FXN: variants seen among roughly 807,000 people sequenced by gnomAD.
FXN encodes the protein frataxin, also known as frataxin, mitochondrial.
In FXN, 14 loss-of-function variants were observed where a neutral mutation model predicts 22.4. The ratio of observed to expected loss-of-function variants is 0.62; its 90% CI spans 0.41 to 0.98. The LOEUF (loss-of-function observed/expected upper bound fraction) is 0.98, where lower values mean the gene tolerates loss of function less well. Ranked by LOEUF, FXN falls within the 50% of genes least tolerant of loss-of-function variation. FXN has a pLI of 0.00. For missense variants in FXN, 267 were observed against 268.4 expected, an observed-to-expected ratio of 0.99 and a Z score of 0.04; for synonymous variants, 120 against 114.1, an observed-to-expected ratio of 1.05 and a Z score of -0.33.
In FXN at chr9:69,074,045, C is replaced by T; in HGVS notation, c.*1283C>T. The T allele has an allele frequency of 3.1e-6, 1 of 320,034 alleles. No homozygotes were observed. The highest frequency in any genetic ancestry group is 4.5e-6 in the Non-Finnish European group (1 of 221,866). 19.8% of individuals were successfully genotyped at this position (320,034 alleles called of 1,614,324 possible). ...CTAAAAATACAAAAAATTAGCCGGG[C>T]ATGATGGCAGGTGCCTGTAATCCCA... On this transcript the variant is annotated 3_prime_UTR_variant, in exon 5 of 5. Transcript: ENST00000484259.
At chr9:69,051,040 G>A (rs12343153) in intron 2 of FXN, among the ~76,000 whole-genome samples, 26,798 of 152,108 alleles carry the variant, frequency 0.18, 2,433 homozygotes, top group East Asian at 0.29. Context: ...TCGGCCTCCC[G>A]AAGTGCTGGG....
chr9:69,056,416 C>T (rs980450904), intron 3 of FXN, among the ~76,000 whole-genome samples: 3 of 152,194 alleles, frequency 2.0e-5, no homozygotes, highest in South Asian at 2.1e-4. Context: ...AGTAAGCTAA[C>T]GTGTGCAGCA....
At chr9:69,044,371 G>A (rs1831709936) in intron 1 of FXN, among the ~76,000 whole-genome samples, 1 of 152,182 alleles carries the variant, frequency 6.6e-6, no homozygotes, top group South Asian at 2.1e-4. Context: ...CTTCTTCAGA[G>A]ACATGTGTTT....
At chr9:69,048,738 A>G (rs1831802333) in intron 2 of FXN, among the ~76,000 whole-genome samples, 1 of 152,168 alleles carries the variant, frequency 6.6e-6, no homozygotes, top group Non-Finnish European at 1.5e-5. Context: ...AAAAGCAACA[A>G]GAAGCCACCG....
chr9:69,035,794 C>T lies in FXN; in HGVS notation c.12C>T (p.Leu4=). Residue 4 remains leucine, a synonymous_variant, in exon 1 of 5, where the codon CTC becomes CTT. Coordinates refer to ENST00000484259, the MANE Select transcript of FXN (RefSeq NM_000144.5). The stretch of plus-strand genomic sequence containing the variant: ...AGACCCGGAGCAGCATGTGGACTCT[C>T]GGGCGCCGCGCAGTAGCCGGCCTCC... The part of the protein sequence containing the change: MWT[L]GRRAVAGLLA... 2.6e-6 allele frequency: 4 copies of T among 1,510,736 alleles called. No homozygotes were observed. Among genetic ancestry groups the T allele is most frequent in the Non-Finnish European group, 3.5e-6 (4 of 1,136,298 alleles). The allele number at this position is 1,510,736 out of a possible 1,614,324, so 93.6% of individuals were successfully genotyped here.
chr9:69,045,169 T>A lies in FXN; in HGVS notation c.166-1216T>A, dbSNP rs115362625. Among the ~76,000 whole-genome samples the A allele has an allele frequency of 3.4e-3, 523 of 152,208 alleles. 6 individuals are homozygous for A. The highest frequency in any genetic ancestry group is 0.012 in the African/African-American group (512 of 41,528). ...GGAGCTGACTTTATATTTTATCTCA[T>A]TAAATTTAAATGTAAATAGCTACGT... On this transcript the variant is annotated intron_variant, in intron 1 of 4. Transcript: ENST00000484259.
intron 1 of FXN, among the ~76,000 whole-genome samples, chr9:69,039,444 G>C (rs1427623248): frequency 6.6e-6 from 1 of 152,138 alleles, no homozygotes; most frequent in Non-Finnish European, 1.5e-5. Flanking sequence ...TCTCAGATCT[G>C]GCTACTCAGC....
At chr9:69,071,263 G>A (rs1468885001) in intron 4 of FXN, 1 of 518,958 alleles carries the variant, frequency 1.9e-6, no homozygotes, top group Admixed American at 1.9e-5. Context: ...CTGATGGTTT[G>A]GTTCACTCAT....
chr9:69,078,411 AT>A lies in FXN; in HGVS notation c.*5654del. The A allele has an allele frequency of 1.0e-6, 1 of 985,284 alleles. No homozygotes were observed. The highest frequency in any genetic ancestry group is 1.2e-6 in the Non-Finnish European group (1 of 829,910). The allele number at this position is 985,284 out of a possible 1,614,324, so 61.0% of individuals were successfully genotyped here. On this transcript the variant is annotated 3_prime_UTR_variant, in exon 5 of 5. Transcript: ENST00000484259. ...GAGGTCCTCATCATTTTTCACCTGC[AT>A]TTTTGCAGGAGCTTTCTTATATCCA...
intron 1 of FXN, among the ~76,000 whole-genome samples, chr9:69,039,249 C>T (rs1417328544): frequency 6.6e-6 from 1 of 151,116 alleles, no homozygotes; most frequent in Admixed American, 6.6e-5. Context: ...GAGCGAGACT[C>T]CGTCTCAAAA....
At position 69,076,774 on chromosome 9, in the gene FXN, C is replaced by T. The variant is rs1316495893; in HGVS notation, c.*4012C>T. The stretch of plus-strand genomic sequence containing the variant: ...TCCGTGTCCAGTTGGATTCTTGGCA[C>T]ATAGTTATCTTCTGCTAGAACAAAC... On this transcript the variant is annotated 3_prime_UTR_variant, in exon 5 of 5. Transcript: ENST00000484259. 4.1e-6 allele frequency: 4 copies of T among 985,298 alleles called. No homozygotes were observed. Among genetic ancestry groups the T allele is most frequent in the African/African-American group, 1.7e-5 (1 of 57,214 alleles). 61.0% of individuals were successfully genotyped at this position (985,298 alleles called of 1,614,324 possible).
In FXN at chr9:69,046,403, C is replaced by T; in HGVS notation, c.184C>T (p.Leu62Phe). 2 of 1,614,018 alleles carry T rather than the reference C, an allele frequency of 1.2e-6. No individual in the cohort carries two copies. The highest frequency in any genetic ancestry group is 1.7e-6 in the Non-Finnish European group (2 of 1,179,996). ...CTTTCAGAGTTCGAACCAACGTGGCCTCAACCAGATTTGGAATGTCAAAAA... is the reference window on the plus strand; with the variant it reads ...CTTTCAGAGTTCGAACCAACGTGGCTTCAACCAGATTTGGAATGTCAAAAA... ...PRRASSNQRG[L>F]NQIWNVKKQS... The change falls in exon 2 of 5, where the codon CTC becomes TTC. Residue 62 changes from leucine (L) to phenylalanine (F), a missense_variant. By Grantham distance (22) the Leu-to-Phe change is conservative. Transcript: ENST00000484259.
At position 69,074,771 on chromosome 9, in the gene FXN, G is replaced by C. The variant is rs1351820230; in HGVS notation, c.*2009G>C. ...AAAAAAACCTATTAATAATAAAACA[G>C]TATAAACAAAAGCTAAATAGGTAAA... On this transcript the variant is annotated 3_prime_UTR_variant, in exon 5 of 5. Coordinates refer to ENST00000484259, the MANE Select transcript of FXN (RefSeq NM_000144.5). 12 of 900,162 alleles carry C rather than the reference G, an allele frequency of 1.3e-5. No homozygotes were observed. Among genetic ancestry groups the C allele is most frequent in the Non-Finnish European group, 1.6e-5 (12 of 752,614 alleles). 55.8% of individuals were successfully genotyped at this position (900,162 alleles called of 1,614,324 possible).
At chr9:69,057,534 A>AGT (rs1386214291) in intron 3 of FXN, among the ~76,000 whole-genome samples, 1 of 152,178 alleles carries the variant, frequency 6.6e-6, no homozygotes, top group Admixed American at 6.5e-5. Flanking sequence ...CAAATGCTTA[A>AGT]GTGTAGATTT....
At chr9:69,064,432 C>T (rs541370565) in intron 3 of FXN, among the ~76,000 whole-genome samples, 1 of 152,216 alleles carries the variant, frequency 6.6e-6, no homozygotes, top group African/African-American at 2.4e-5. Context: ...GAAGCTAATG[C>T]TCTCCTAAGA....
Position 69,066,858 on chromosome 9 carries a change from C to CAAA in FXN, c.482+1833_482+1835dup, listed in dbSNP as rs71500343. 2.0e-3 allele frequency among the ~76,000 whole-genome samples: 286 copies of CAAA among 144,876 alleles called. 4 individuals are homozygous for CAAA. The highest frequency in any genetic ancestry group is 6.4e-3 in the East Asian group (32 of 5,018). On this transcript the variant is annotated intron_variant, in intron 4 of 4. Transcript: ENST00000484259. Reference sequence around the variant, plus strand: ...TTACTGTCACAGATACTATCTTCCTCAAAAAAAAAAAATATATATATATAT... The same window carrying CAAA: ...TTACTGTCACAGATACTATCTTCCTCAAAAAAAAAAAAAAATATATATATATAT...
Position 69,074,501 on chromosome 9 carries a change from C to G in FXN, c.*1739C>G. 2.1e-6 allele frequency: 2 copies of G among 974,630 alleles called. No individual in the cohort carries two copies. The highest frequency in any genetic ancestry group is 3.7e-5 in the African/African-American group (2 of 54,046). The allele number at this position is 974,630 out of a possible 1,614,324, so 60.4% of individuals were successfully genotyped here. A position where few individuals can be genotyped will look rare whatever the true frequency, so the allele number is the denominator to read the frequency against. ...GTGAGTCGAGATCGTACCTGAGCGACAGAGCGAGACTCCGTCTCAAAAAAA... is the reference window on the plus strand; with the variant it reads ...GTGAGTCGAGATCGTACCTGAGCGAGAGAGCGAGACTCCGTCTCAAAAAAA... On this transcript the variant is annotated 3_prime_UTR_variant, in exon 5 of 5. Coordinates refer to ENST00000484259, the MANE Select transcript of FXN (RefSeq NM_000144.5).
chr9:69,048,892 G>T (rs1587819307), intron 2 of FXN, among the ~76,000 whole-genome samples: 2 of 152,230 alleles, frequency 1.3e-5, no homozygotes, highest in Admixed American at 6.5e-5. Context: ...CCCGCCTGCG[G>T]TGTCTGTTCA....
At chr9:69,040,283 A>G (rs1272468925) in intron 1 of FXN, among the ~76,000 whole-genome samples, 1 of 152,202 alleles carries the variant, frequency 6.6e-6, no homozygotes, top group Non-Finnish European at 1.5e-5. Context: ...CTTTAGGCCT[A>G]ACAAGCAGGT....
Sources: gnomAD v4.1 joint callset for allele counts (sites outside exome capture counted in the v4.1 genomes callset) on GRCh38, gnomAD v4.1.1 for gene constraint, MANE v1.5 for transcripts, NCBI Gene and HGNC (gene_info 2026-07-23, HGNC 2026-07-21) for gene names.